The following RYR2 variants were observed in gnomAD, a reference collection of about 807,000 sequenced individuals.
RYR2 encodes the protein ryanodine receptor 2, also known as cardiac muscle ryanodine receptor-calcium release channel.
A neutral mutation model predicts 601.1 loss-of-function variants in RYR2; 227 were observed. The ratio of observed to expected loss-of-function variants is 0.38; its 90% CI spans 0.34 to 0.42. The LOEUF is 0.42. RYR2 is among the 10% of genes least tolerant of loss of function. RYR2 has a pLI of 1.00. For missense variants in RYR2, 4,646 were observed against 6,156.5 expected (o/e 0.75, Z 8.21); for synonymous variants, 2,223 against 2,175.1 (o/e 1.02, Z -0.61).
At chr1:237,808,664 A>AACAAAATAAAAT (rs1413207687) in intron 99 of RYR2, among the ~76,000 whole-genome samples, 227 of 150,650 alleles carry the variant, frequency 1.5e-3, no homozygotes, top group African/African-American at 5.4e-3. Context: ...CAAAAAAAAA[A>AACAAAATAAAAT]AAAACAAAAT....
intron 24 of RYR2, among the ~76,000 whole-genome samples, chr1:237,513,298 T>A (rs1666095364): frequency 6.6e-6 from 1 of 152,242 alleles, no homozygotes; most frequent in East Asian, 1.9e-4. Context: ...CCATCCTTGA[T>A]GTCCTACAGA....
intron 62 of RYR2, 89 bp from the exon 63 acceptor site, chr1:237,687,366 C>CTTTTTTTTTTTTTTTTTTTTCTTTT (rs10679267): frequency 4.1e-6 from 1 of 246,340 alleles, no homozygotes; most frequent in Non-Finnish European, 7.4e-6. Flanking sequence ...TTTTCTTCTT[C>CTTTTTTTTTTTTTTTTTTTTCTTTT]TTTTTTTTTT....
At chr1:237,338,744 G>A (rs934197929) in intron 3 of RYR2, among the ~76,000 whole-genome samples, 16 of 152,192 alleles carry the variant, frequency 1.1e-4, no homozygotes, top group Admixed American at 4.6e-4. Flanking sequence ...GCACTACATC[G>A]TAAAGCCTTT....
At chr1:237,259,592 A>G (rs1688327318) in intron 1 of RYR2, among the ~76,000 whole-genome samples, 1 of 152,052 alleles carries the variant, frequency 6.6e-6, no homozygotes, top group Admixed American at 6.6e-5. Context: ...CACAGCATAA[A>G]TAGTTAAGCC....
At chr1:237,589,701 A>G (rs1432302081) in intron 29 of RYR2, 92 bp from the exon 30 acceptor site, 1 of 1,252,358 alleles carries the variant, frequency 8.0e-7, no homozygotes, top group African/African-American at 1.5e-5. Context: ...AGCTCTCACA[A>G]AGTTCGGTCC....
At chr1:237,334,776 C>G (rs1697088993) in intron 3 of RYR2, among the ~76,000 whole-genome samples, 1 of 152,122 alleles carries the variant, frequency 6.6e-6, no homozygotes, top group Admixed American at 6.5e-5. Context: ...GCTTGCAGAT[C>G]TACCTCTGTA....
At chr1:237,770,952 A>G in intron 85 of RYR2, 65 bp downstream of exon 85, 4 of 974,058 alleles carry the variant, frequency 4.1e-6, no homozygotes, top group Non-Finnish European at 6.2e-6. Context: ...GCCAGTAATA[A>G]CAAGAGCCTG....
chr1:237,318,511 A>G (rs1182976219), intron 2 of RYR2, among the ~76,000 whole-genome samples: 1 of 152,162 alleles, frequency 6.6e-6, no homozygotes. Context: ...TAACTGTGCT[A>G]GGAACAAATT....
intron 1 of RYR2, among the ~76,000 whole-genome samples, chr1:237,150,974 C>T (rs1343687082): frequency 1.3e-5 from 2 of 152,074 alleles, no homozygotes; most frequent in African/African-American, 2.4e-5. Context: ...TCTTTTAGAT[C>T]TCAGGGTTTC....
intron 29 of RYR2, among the ~76,000 whole-genome samples, chr1:237,570,701 A>G (rs1672595064): frequency 6.6e-6 from 1 of 152,148 alleles, no homozygotes; most frequent in Non-Finnish European, 1.5e-5. Flanking sequence ...AAAGGGCTCA[A>G]TTCCCTCAGG....
At chr1:237,355,735 C>G (rs1489286752) in intron 3 of RYR2, among the ~76,000 whole-genome samples, 1 of 152,084 alleles carries the variant, frequency 6.6e-6, no homozygotes, top group Non-Finnish European at 1.5e-5. Context: ...TGGTGCATTT[C>G]CAGCCTAATG....
chr1:237,162,856 G>A (rs1676192009), intron 1 of RYR2, among the ~76,000 whole-genome samples: 1 of 152,122 alleles, frequency 6.6e-6, no homozygotes, highest in African/African-American at 2.4e-5. Context: ...TGTTCATAGA[G>A]TTAGAACGTT....
chr1:237,468,508 G>A (rs1414154689), intron 16 of RYR2, among the ~76,000 whole-genome samples: 1 of 152,130 alleles, frequency 6.6e-6, no homozygotes. Context: ...AATATACATT[G>A]TGAATCTCTA....
intron 1 of RYR2, among the ~76,000 whole-genome samples, chr1:237,237,756 G>A (rs184897919): frequency 4.0e-4 from 61 of 152,170 alleles, no homozygotes; most frequent in Middle Eastern, 3.4e-3. Context: ...AGTCTTTTCC[G>A]AATTGACTAA....
At position 237,546,997 on chromosome 1, in the gene RYR2, T is replaced by TATATATATATA. The variant is rs58050661; in HGVS notation, c.2907-1434_2907-1433insATATATATATA. 4.6e-3 allele frequency among the ~76,000 whole-genome samples: 382 copies of TATATATATATA among 82,996 alleles called. 1 individual carries two copies. The highest frequency in any genetic ancestry group is 0.035 in the East Asian group (78 of 2,228). 54.4% of individuals were successfully genotyped at this position (82,996 alleles called of 152,430 possible). ...AAAGCATATATATATATATATATAT[T>TATATATATATA]TATTTATTTATTTATTTATTTATTT... On this transcript the variant is annotated intron_variant, in intron 25 of 104. Transcript: ENST00000366574.
chr1:237,542,421 T>C lies in RYR2; in HGVS notation c.2907-6010T>C, dbSNP rs541507360. On this transcript the variant is annotated intron_variant, in intron 25 of 104. Transcript: ENST00000366574. ...GCTGAATGAATATTTGACGGTGAAATTGAATACAAGATTTATGCCCCTCTT... is the reference window on the plus strand; with the variant it reads ...GCTGAATGAATATTTGACGGTGAAACTGAATACAAGATTTATGCCCCTCTT... Among the ~76,000 whole-genome samples the C allele has an allele frequency of 6.6e-5, 10 of 152,284 alleles. No individual in the cohort carries two copies. In the South Asian group the frequency reaches 1.7e-3, roughly 25 times the overall value.
chr1:237,371,303 G>A, intron 6 of RYR2, among the ~76,000 whole-genome samples: 1 of 152,060 alleles, frequency 6.6e-6, no homozygotes, highest in East Asian at 1.9e-4. Flanking sequence ...CTACAGGTGT[G>A]TGCTACCACG....
At chr1:237,073,008 C>A (rs1162611908) in intron 1 of RYR2, among the ~76,000 whole-genome samples, 92 of 151,622 alleles carry the variant, frequency 6.1e-4, no homozygotes, top group Non-Finnish European at 1.5e-5. Context: ...AGGAAGCTGC[C>A]ACATATTTAC....
intron 9 of RYR2, 109 bp downstream of exon 9, chr1:237,387,489 T>C: frequency 4.2e-6 from 4 of 960,036 alleles, no homozygotes; most frequent in Non-Finnish European, 6.4e-6. Context: ...TGTCTGTGTC[T>C]AAATATTCTG....
Sources: allele counts gnomAD v4.1 joint callset (sites outside exome capture counted in the v4.1 genomes callset), GRCh38; gene constraint gnomAD v4.1.1; transcripts MANE v1.5; gene names NCBI Gene and HGNC (gene_info 2026-07-23, HGNC 2026-07-21).